The following FAM228B variants were observed in gnomAD, a reference collection of about 807,000 sequenced individuals.
FAM228B encodes protein FAM228B.
Under a neutral mutation model 42.6 loss-of-function variants are expected in FAM228B, and 38 were observed. The observed-to-expected ratio is 0.89, with a 90% CI of 0.69 to 1.17. The LOEUF is 1.17. FAM228B is among the 50% of genes most tolerant of loss of function. The pLI, the probability that FAM228B is intolerant of heterozygous loss-of-function variation, is 0.00. For missense variants in FAM228B, 344 were observed against 367.3 expected (o/e 0.94, Z 0.52); for synonymous variants, 109 against 122.3 (o/e 0.89, Z 0.72).
chr2:24,161,824 TGCGGTG>T (rs1667293922), intron 8 of FAM228B, among the ~76,000 whole-genome samples: 1 of 152,020 alleles, frequency 6.6e-6, no homozygotes, highest in Non-Finnish European at 1.5e-5. Context: ...GTAGGCTGGG[TGCGGTG>T]GCTCCCGCCT....
chr2:24,109,476 A>G (rs1168262944), intron 3 of FAM228B, among the ~76,000 whole-genome samples: 1 of 152,240 alleles, frequency 6.6e-6, no homozygotes, highest in Non-Finnish European at 1.5e-5. Flanking sequence ...GCTTCTGCAC[A>G]GCAAAAGAAA....
At chr2:24,125,028 T>G (rs1666271554) in intron 2 of FAM228B, among the ~76,000 whole-genome samples, 1 of 152,182 alleles carries the variant, frequency 6.6e-6, no homozygotes, top group Non-Finnish European at 1.5e-5. Flanking sequence ...GATTGTAGTT[T>G]CTTTTTTCTA....
intron 7 of FAM228B, among the ~76,000 whole-genome samples, chr2:24,159,245 G>T (rs1379260918): frequency 1.3e-5 from 2 of 152,088 alleles, no homozygotes; most frequent in Admixed American, 6.6e-5. Context: ...ATTTTTTTGG[G>T]TGCACGTAAT....
intron 2 of FAM228B, among the ~76,000 whole-genome samples, chr2:24,090,734 G>A (rs774517217): frequency 3.9e-5 from 6 of 152,188 alleles, no homozygotes; most frequent in East Asian, 3.9e-4. Context: ...TTGATTAAAC[G>A]TAGAAGCCAT....
At chr2:24,160,519 C>T (rs1667261444) in intron 7 of FAM228B, among the ~76,000 whole-genome samples, 1 of 151,968 alleles carries the variant, frequency 6.6e-6, no homozygotes, top group Non-Finnish European at 1.5e-5. Flanking sequence ...CCATTTTCCT[C>T]TTTGTATATA....
intron 7 of FAM228B, among the ~76,000 whole-genome samples, chr2:24,157,741 A>C (rs1667181825): frequency 1.8e-5 from 1 of 54,254 alleles, no homozygotes; most frequent in African/African-American, 3.6e-5. Context: ...CTGTCTCAAA[A>C]AAAAAAAAAA....
intron 5 of FAM228B, among the ~76,000 whole-genome samples, chr2:24,141,337 A>T (rs1285045626): frequency 6.6e-6 from 1 of 152,076 alleles, no homozygotes; most frequent in Non-Finnish European, 1.5e-5. Context: ...TCCGCCTCCC[A>T]GGTTCACACC....
chr2:24,082,821 A>G, intron 2 of FAM228B: 2 of 1,516,556 alleles, frequency 1.3e-6, no homozygotes, highest in Non-Finnish European at 8.8e-7. Flanking sequence ...GCTGGGATTC[A>G]AGTTGGCTGA....
In FAM228B at chr2:24,097,146, A is replaced by G. The variant is rs576086115; in HGVS notation, c.-121+1917A>G. ...GGAAGCACTAAACATGGAAAGGAAC[A>G]ACTGGTACCAGCCACTGCAAAAACA... On this transcript the variant is annotated intron_variant, in intron 3 of 10. Transcript: ENST00000613899. 2.0e-5 allele frequency: 3 copies of G among 152,322 alleles called. No individual in the cohort carries two copies. The East Asian group carries it at 5.8e-4, about 29-fold the overall frequency. 9.4% of individuals were successfully genotyped at this position (152,322 alleles called of 1,614,324 possible).
chr2:24,125,634 C>G (rs1666291165), intron 2 of FAM228B, among the ~76,000 whole-genome samples: 1 of 152,076 alleles, frequency 6.6e-6, no homozygotes, highest in Non-Finnish European at 1.5e-5. Context: ...GATCTCGGCT[C>G]AATGCAACCT....
At chr2:24,092,351 G>T (rs917602420) in intron 2 of FAM228B, among the ~76,000 whole-genome samples, 1 of 151,994 alleles carries the variant, frequency 6.6e-6, no homozygotes, top group South Asian at 2.1e-4. Flanking sequence ...AAGGTGTGTG[G>T]ATTATTTGAG....
intron 5 of FAM228B, among the ~76,000 whole-genome samples, chr2:24,143,707 T>TA: frequency 6.6e-6 from 1 of 152,324 alleles, no homozygotes; most frequent in Middle Eastern, 3.4e-3. Context: ...CATAGAAAGA[T>TA]ATGTTAAACA....
At chr2:24,120,782 T>C (rs1645655399), upstream of FAM228B, among the ~76,000 whole-genome samples, 1 of 152,094 alleles carries the variant, frequency 6.6e-6, no homozygotes. Context: ...CTTGAACTCC[T>C]GACCTCAGCC....
rs375803702 is a variant in FAM228B at position 24,110,870 on chromosome 2, G to A, written c.-121+15641G>A. On this transcript the variant is annotated intron_variant, in intron 3 of 10. Transcript: ENST00000613899. ...ATCTGTAGTGGGGACAGGCTTGTGG[G>A]AACTGAGCTCCTTAACCTGTGAGGT... Among the ~76,000 whole-genome samples, 13 of 151,736 alleles carry A rather than the reference G, an allele frequency of 8.6e-5. No homozygotes were observed. The East Asian group carries it at 1.8e-3, about 20-fold the overall frequency.
intron 3 of FAM228B, among the ~76,000 whole-genome samples, chr2:24,117,477 G>A (rs1468637399): frequency 6.8e-6 from 1 of 146,414 alleles, no homozygotes; most frequent in African/African-American, 2.5e-5. Flanking sequence ...GAGTCTCGCT[G>A]TGACGCCCAG....
At chr2:24,111,782 A>G (rs1665800044) in intron 3 of FAM228B, among the ~76,000 whole-genome samples, 1 of 152,096 alleles carries the variant, frequency 6.6e-6, no homozygotes. Context: ...CCACTGGGAC[A>G]CTAAGACTGC....
intron 3 of FAM228B, among the ~76,000 whole-genome samples, chr2:24,117,444 C>CTT (rs34376278): frequency 2.1e-5 from 3 of 140,362 alleles, no homozygotes; most frequent in Non-Finnish European, 3.1e-5. Context: ...TCTTCTTCTT[C>CTT]TTTTTTTTTT....
intron 2 of FAM228B, among the ~76,000 whole-genome samples, chr2:24,090,342 G>C (rs1381154139): frequency 6.6e-6 from 1 of 152,080 alleles, no homozygotes; most frequent in Non-Finnish European, 1.5e-5. Flanking sequence ...AGCACTTTGA[G>C]AGGCCAAGGG....
At chr2:24,093,799 T>C (rs1665440480) in intron 2 of FAM228B, among the ~76,000 whole-genome samples, 1 of 151,940 alleles carries the variant, frequency 6.6e-6, no homozygotes, top group Admixed American at 6.6e-5. Flanking sequence ...TTTGTATTTT[T>C]AATAGAGACG....
Sources: allele counts gnomAD v4.1 joint callset (sites outside exome capture counted in the v4.1 genomes callset), GRCh38; gene constraint gnomAD v4.1.1; transcripts MANE v1.5; gene names NCBI Gene and HGNC (gene_info 2026-07-23, HGNC 2026-07-21).